Variants in SLCO1C1 observed in about 807,000 individuals in gnomAD.
The protein encoded by SLCO1C1 is OAT-RP-5.
Under a neutral mutation model 76.4 loss-of-function variants are expected in SLCO1C1, and 70 were observed. The observed-to-expected ratio is 0.92, with a 90% CI of 0.76 to 1.12. The LOEUF (loss-of-function observed/expected upper bound fraction) is 1.12. SLCO1C1 is among the 50% of genes most tolerant of loss of function. The pLI, the probability that SLCO1C1 is intolerant of heterozygous loss-of-function variation, is 0.00. For synonymous variants in SLCO1C1, 306 were observed against 286.1 expected (o/e 1.07, Z -0.70); for missense variants, 912 against 823.8 (o/e 1.11, Z -1.31).
rs759160591 is a variant in SLCO1C1, at chr12:20,732,990, G to C, written c.1268G>C (p.Gly423Ala). The C allele has an allele frequency of 6.8e-6, 11 of 1,613,790 alleles. No homozygotes were observed. In the Admixed American group the frequency reaches 1.7e-4, roughly 24 times the overall value. ...VMKKFRISVC[G>A]AAKLYLGSSV... ...AAAAAATTCAGAATCAGTGTGTGTGGAGCTGCAAAACTCTACTTGGGATCA... is the reference window on the plus strand; with the variant it reads ...AAAAAATTCAGAATCAGTGTGTGTGCAGCTGCAAAACTCTACTTGGGATCA... Residue 423 changes from glycine to alanine, a missense_variant, in exon 10 of 15, where the codon GGA becomes GCA. Physicochemically the swap from Gly to Ala is moderately conservative, Grantham distance 60 (BLOSUM62 0). Coordinates refer to ENST00000266509, the MANE Select transcript of SLCO1C1 (RefSeq NM_017435.5).
chr12:20,709,304 T>G (rs1425916968), intron 4 of SLCO1C1, among the ~76,000 whole-genome samples: 1 of 152,140 alleles, frequency 6.6e-6, no homozygotes, highest in Non-Finnish European at 1.5e-5. Flanking sequence ...TAAACGTTAA[T>G]TTTTTTAGAG....
intron 13 of SLCO1C1, among the ~76,000 whole-genome samples, chr12:20,748,819 G>A (rs1054920469): frequency 6.6e-6 from 1 of 152,056 alleles, no homozygotes; most frequent in African/African-American, 2.4e-5. Context: ...CTACACACGT[G>A]ATTTGCATGA....
chr12:20,697,829 C>T (rs534870014), intron 1 of SLCO1C1, among the ~76,000 whole-genome samples: 1 of 151,998 alleles, frequency 6.6e-6, no homozygotes, highest in East Asian at 1.9e-4. Flanking sequence ...CTGAAGTTTT[C>T]CTTTCTGTGC....
chr12:20,714,296 C>T (rs887329436), intron 5 of SLCO1C1, among the ~76,000 whole-genome samples: 38 of 152,138 alleles, frequency 2.5e-4, no homozygotes, highest in African/African-American at 8.7e-4. Flanking sequence ...TAGTTCAGCA[C>T]GTAGCAGAGA....
chr12:20,735,369 G>A (rs1948490806), intron 10 of SLCO1C1, among the ~76,000 whole-genome samples: 1 of 152,202 alleles, frequency 6.6e-6, no homozygotes, highest in African/African-American at 2.4e-5. Flanking sequence ...GTGAATTTGA[G>A]CATGTTACCC....
In SLCO1C1 at chr12:20,743,323, T is replaced by A. The variant is rs749963833; in HGVS notation, c.1752T>A (p.Leu584=). ...ATTTTAGGTGCATTAAGCCACAGCTTAAGTCTTTTGCCTTGGGTATCTACA... is the reference window on the plus strand; with the variant it reads ...ATTTTAGGTGCATTAAGCCACAGCTAAAGTCTTTTGCCTTGGGTATCTACA... The part of the protein sequence containing the change: ...ILLLRCIKPQ[L]KSFALGIYTL... Residue 584 remains leucine, a synonymous_variant, in exon 13 of 15, where the codon CTT becomes CTA. Transcript: ENST00000266509. The A allele has an allele frequency of 6.2e-7, 1 of 1,613,084 alleles. No homozygotes were observed. Among genetic ancestry groups the A allele is most frequent in the Non-Finnish European group, 8.5e-7 (1 of 1,179,466 alleles).
chr12:20,716,197 T>C lies in SLCO1C1; in HGVS notation c.676+912T>C, dbSNP rs188013473. Among the ~76,000 whole-genome samples, 390 of 152,304 alleles carry C rather than the reference T, an allele frequency of 2.6e-3. 3 individuals are homozygous for C. Among genetic ancestry groups the C allele is most frequent in the Non-Finnish European group, 3.3e-3 (226 of 68,022 alleles). ...CTGGTTACACCTGAATAGGCTATAG[T>C]TAAGATCACAGCTCTTACTCTAACA... On this transcript the variant is annotated intron_variant, in intron 6 of 14. Transcript: ENST00000266509.
intron 5 of SLCO1C1, among the ~76,000 whole-genome samples, chr12:20,714,101 T>C (rs1328259766): frequency 1.3e-5 from 2 of 152,194 alleles, no homozygotes; most frequent in Non-Finnish European, 2.9e-5. Context: ...TCCACGTGAG[T>C]GCAAAGGAGT....
chr12:20,727,801 G>A (rs909316734), intron 9 of SLCO1C1, among the ~76,000 whole-genome samples: 3 of 152,302 alleles, frequency 2.0e-5, no homozygotes, highest in Non-Finnish European at 1.5e-5. Flanking sequence ...GAGCCACTGC[G>A]CCCGGCCACG....
chr12:20,743,199 T>C, intron 12 of SLCO1C1, 106 bp from the exon 13 acceptor site: 1 of 1,099,618 alleles, frequency 9.1e-7, no homozygotes, highest in Non-Finnish European at 1.3e-6. Context: ...TAAATGGCAC[T>C]TGAATTCTAA....
At chr12:20,739,373 G>A (rs1948693901) in intron 11 of SLCO1C1, among the ~76,000 whole-genome samples, 1 of 151,868 alleles carries the variant, frequency 6.6e-6, no homozygotes, top group Non-Finnish European at 1.5e-5. Context: ...ATAAGAAGAT[G>A]GAGAGATGGG....
rs1216246168 is a variant in SLCO1C1 at position 20,701,370 on chromosome 12, G to T, written c.182G>T (p.Gly61Val). Residue 61 changes from glycine (G) to valine (V), a missense_variant, in exon 3 of 15, where the codon GGC becomes GTC. Gly to Val is a moderately radical substitution (Grantham distance 109). Coordinates refer to ENST00000266509, the MANE Select transcript of SLCO1C1 (RefSeq NM_017435.5). Reference sequence around the variant, plus strand: ...TACTTTGCCAAAGCATTGGCAGAAGGCTATCTGAAGAGCACCATCACTCAG... The same window carrying T: ...TACTTTGCCAAAGCATTGGCAGAAGTCTATCTGAAGAGCACCATCACTCAG... The part of the protein sequence containing the change: ...FVYFAKALAE[G>V]YLKSTITQIE... The T allele has an allele frequency of 2.6e-6, 4 of 1,546,242 alleles. No homozygotes were observed. The highest frequency in any genetic ancestry group is 2.7e-5 in the African/African-American group (2 of 73,678).
chr12:20,742,030 A>T (rs896040849), intron 12 of SLCO1C1, among the ~76,000 whole-genome samples: 1 of 152,222 alleles, frequency 6.6e-6, no homozygotes, highest in African/African-American at 2.4e-5. Flanking sequence ...CAAACAGAAA[A>T]CAGAACTTAT....
chr12:20,747,630 C>T (rs1949109049), intron 13 of SLCO1C1, among the ~76,000 whole-genome samples: 1 of 152,192 alleles, frequency 6.6e-6, no homozygotes, highest in African/African-American at 2.4e-5. Flanking sequence ...CTTGTCTTCA[C>T]ATCATTAAAG....
chr12:20,700,200 C>T (rs948361363), intron 2 of SLCO1C1: 1 of 151,664 alleles, frequency 6.6e-6, no homozygotes, highest in African/African-American at 2.4e-5. Context: ...AACCACTAAC[C>T]ATGTACAAAG....
chr12:20,716,012 G>GT (rs1592254110), intron 6 of SLCO1C1, among the ~76,000 whole-genome samples: 1 of 152,058 alleles, frequency 6.6e-6, no homozygotes, highest in East Asian at 1.9e-4. Flanking sequence ...CCTTTCCTAT[G>GT]GTGTTGACAT....
intron 3 of SLCO1C1, among the ~76,000 whole-genome samples, chr12:20,703,955 C>CTGTGTGTGTG (rs146325219): frequency 0.023 from 3,288 of 140,320 alleles, 116 homozygotes; most frequent in African/African-American, 0.071. Context: ...TCGAGTGTGT[C>CTGTGTGTGTG]TGTGTGTGTG....
At chr12:20,724,409 GTGTATATATATATATATATATATATATA>G (rs1349791626) in intron 9 of SLCO1C1, among the ~76,000 whole-genome samples, 4 of 65,522 alleles carry the variant, frequency 6.1e-5, no homozygotes, top group Admixed American at 4.3e-4. Context: ...GTGTGTGTGT[GTGTATATATATATATATATATATATATA>G]TATATATATA....
At chr12:20,713,596 G>GTTA (rs2120694277) in intron 5 of SLCO1C1, among the ~76,000 whole-genome samples, 1 of 152,198 alleles carries the variant, frequency 6.6e-6, no homozygotes, top group South Asian at 2.1e-4. Context: ...TAGACATAGT[G>GTTA]GACACAAGAC....
Sources: allele counts gnomAD v4.1 joint callset (sites outside exome capture counted in the v4.1 genomes callset), GRCh38; gene constraint gnomAD v4.1.1; transcripts MANE v1.5; gene names NCBI Gene and HGNC (gene_info 2026-07-23, HGNC 2026-07-21).